F2: variants seen among roughly 807,000 people sequenced by gnomAD.
F2 encodes the protein prothrombin.
Under a neutral mutation model 81.9 loss-of-function variants are expected in F2, and 34 were observed. The observed-to-expected ratio is 0.42, with a 90% confidence interval of 0.32 to 0.55. The LOEUF is 0.55. Among genes scored for constraint, F2 ranks in the 20% least tolerant of loss-of-function variants. The probability of loss-of-function intolerance (pLI) is 0.18; values close to 1 mark genes in which losing one functional copy is unlikely to be tolerated. For synonymous variants in F2, 296 were observed against 326.4 expected (o/e 0.91, Z 1.01); for missense variants, 630 against 833.4 (o/e 0.76, Z 3.00).
In F2 at chr11:46,739,210, A is replaced by G. The variant is rs1186659371; in HGVS notation, c.1726-55A>G. On this transcript the variant is annotated intron_variant, in intron 13 of 13. Transcript: ENST00000311907. The stretch of plus-strand genomic sequence containing the variant: ...CTAGAAACAGTTGCCTGGCAGGGGA[A>G]TACTGATGTGACCTTGAACTTGACT... 7 of 1,613,660 alleles carry G rather than the reference A, an allele frequency of 4.3e-6. No individual in the cohort carries two copies. In the Admixed American group the frequency reaches 1.2e-4, roughly 27 times the overall value.
chr11:46,724,604 G>A (rs1429597074), intron 6 of F2, among the ~76,000 whole-genome samples: 2 of 152,166 alleles, frequency 1.3e-5, no homozygotes, highest in Non-Finnish European at 2.9e-5. Context: ...TTCAAGGCCA[G>A]GGTCAAGAGG....
In F2 at chr11:46,719,686, C is replaced by G; in HGVS notation, c.80-16C>G. ...TCCTGAGGCCGCTGTCCCATGACCC[C>G]CCCACCGCCTTACAGTGTTCCTGGC... On this transcript the variant is annotated splice_polypyrimidine_tract_variant and intron_variant, in intron 1 of 13. Coordinates refer to ENST00000311907, the MANE Select transcript of F2 (RefSeq NM_000506.5). The surrounding 1 kb of genome is among the most constrained non-coding windows in gnomAD (Gnocchi z 4.7). 6.3e-7 allele frequency: 1 copy of G among 1,580,426 alleles called. No homozygotes were observed. Among genetic ancestry groups the G allele is most frequent in the East Asian group, 2.3e-5 (1 of 43,268 alleles).
At chr11:46,720,441 G>C (rs1005115604) in intron 2 of F2, 82 bp from the exon 3 acceptor site, 42 of 1,515,500 alleles carry the variant, frequency 2.8e-5, no homozygotes, top group Non-Finnish European at 2.5e-5. Context: ...GTAAAGGAAA[G>C]TGTGAGGAGG....
At chr11:46,733,950 G>A (rs1398013232) in intron 12 of F2, among the ~76,000 whole-genome samples, 12 of 151,460 alleles carry the variant, frequency 7.9e-5, no homozygotes, top group East Asian at 3.9e-4. Context: ...CACCATGCCC[G>A]CTAATTTTTG....
At chr11:46,722,564 G>A (rs972075404) in intron 4 of F2, among the ~76,000 whole-genome samples, 11 of 152,186 alleles carry the variant, frequency 7.2e-5, no homozygotes, top group Middle Eastern at 3.4e-3. Flanking sequence ...CTTCAGTCTC[G>A]GCAACAGAAC....
chr11:46,723,357 C>CCTGTTGG lies in F2; in HGVS notation c.423-24_423-18dup. ...AAGCGTACCTCAAGCCCAACAGCCT[C>CCTGTTGG]CTGTTGGGCAATTTCCTGTTCCAGA... On this transcript the variant is annotated intron_variant, in intron 5 of 13. Transcript: ENST00000311907. This position sits in a 1 kb window ranked among gnomAD's most constrained non-coding sequence, Gnocchi z 5.6. The CCTGTTGG allele has an allele frequency of 1.2e-6, 2 of 1,611,606 alleles. No homozygotes were observed. Among genetic ancestry groups the CCTGTTGG allele is most frequent in the Non-Finnish European group, 1.7e-6 (2 of 1,177,704 alleles).
chr11:46,728,534 G>A lies in F2; in HGVS notation c.1299-130G>A. On this transcript the variant is annotated intron_variant, in intron 10 of 13. Transcript: ENST00000311907. The surrounding 1 kb of genome is among the most constrained non-coding windows in gnomAD (Gnocchi z 5.1). ...AAACACCCAGGGGGCTGCCATGGCAGGAACCAGCCCTATCCCCTCCCTGGT... is the reference window on the plus strand; with the variant it reads ...AAACACCCAGGGGGCTGCCATGGCAAGAACCAGCCCTATCCCCTCCCTGGT... The A allele has an allele frequency of 9.4e-7, 1 of 1,060,736 alleles. No homozygotes were observed. The highest frequency in any genetic ancestry group is 1.4e-6 in the Non-Finnish European group (1 of 707,104). The allele number at this position is 1,060,736 out of a possible 1,614,324, so 65.7% of individuals were successfully genotyped here.
rs2064890732 is a variant in F2, at chr11:46,728,535, G to A, written c.1299-129G>A. 1.9e-6 allele frequency: 2 copies of A among 1,069,112 alleles called. No homozygotes were observed. Among genetic ancestry groups the A allele is most frequent in the South Asian group, 2.7e-5 (2 of 73,602 alleles). 66.2% of individuals were successfully genotyped at this position (1,069,112 alleles called of 1,614,324 possible). A position where few individuals can be genotyped will look rare whatever the true frequency, so the allele number is the denominator to read the frequency against. ...AACACCCAGGGGGCTGCCATGGCAGGAACCAGCCCTATCCCCTCCCTGGTG... is the reference window on the plus strand; with the variant it reads ...AACACCCAGGGGGCTGCCATGGCAGAAACCAGCCCTATCCCCTCCCTGGTG... On this transcript the variant is annotated intron_variant, in intron 10 of 13. Transcript: ENST00000311907. The surrounding 1 kb of genome is among the most constrained non-coding windows in gnomAD (Gnocchi z 5.1).
In F2 at chr11:46,726,847, G is replaced by C. The variant is rs1043558327; in HGVS notation, c.1130+10G>C. ...TCGGCATGTCACCTTGGTGTGTCCT[G>C]GAGCCCTGCGCTACCATTCACTCCT... is the stretch of plus-strand genomic sequence containing the variant. On this transcript the variant is annotated intron_variant, in intron 9 of 13. Coordinates refer to ENST00000311907, the MANE Select transcript of F2 (RefSeq NM_000506.5). The surrounding 1 kb of genome is among the most constrained non-coding windows in gnomAD (Gnocchi z 5.9). The C allele has an allele frequency of 3.1e-6, 5 of 1,613,900 alleles. No homozygotes were observed. Among genetic ancestry groups the C allele is most frequent in the Non-Finnish European group, 4.2e-6 (5 of 1,179,964 alleles).
At chr11:46,722,559 G>C (rs1024296139) in intron 4 of F2, among the ~76,000 whole-genome samples, 3 of 152,228 alleles carry the variant, frequency 2.0e-5, no homozygotes, top group Admixed American at 2.0e-4. Flanking sequence ...CTGCACTTCA[G>C]TCTCGGCAAC....
intron 13 of F2, 39 bp from the exon 14 acceptor site, chr11:46,739,226 G>T: frequency 6.2e-7 from 1 of 1,613,808 alleles, no homozygotes; most frequent in South Asian, 1.1e-5. Context: ...ATGTGACCTT[G>T]AACTTGACTC....
At chr11:46,735,765 A>G (rs967531156) in intron 12 of F2, among the ~76,000 whole-genome samples, 1 of 151,600 alleles carries the variant, frequency 6.6e-6, no homozygotes, top group African/African-American at 2.4e-5. Flanking sequence ...TCTGCTAAAA[A>G]TACAAAATTA....
At chr11:46,735,439 CA>C (rs1257648028) in intron 12 of F2, among the ~76,000 whole-genome samples, 20 of 142,034 alleles carry the variant, frequency 1.4e-4, no homozygotes, top group African/African-American at 2.6e-4. Flanking sequence ...GACTCCATCT[CA>C]AAAAAAAAAG....
chr11:46,721,591 C>A lies in F2; in HGVS notation c.316+751C>A, dbSNP rs3136440. 1.5e-3 allele frequency among the ~76,000 whole-genome samples: 224 copies of A among 152,340 alleles called. 1 individual carries two copies. Among genetic ancestry groups the A allele is most frequent in the Non-Finnish European group, 2.9e-3 (199 of 68,020 alleles). On this transcript the variant is annotated intron_variant, in intron 4 of 13. Coordinates refer to ENST00000311907, the MANE Select transcript of F2 (RefSeq NM_000506.5). Reference sequence around the variant, plus strand: ...TCACATCTACTGAACACTTTCCTATCCTTCAAGGACTGCTTCAAATGTCAC... The same window carrying A: ...TCACATCTACTGAACACTTTCCTATACTTCAAGGACTGCTTCAAATGTCAC...
chr11:46,725,069 C>CTTT (rs71455298), intron 6 of F2, among the ~76,000 whole-genome samples: 15,951 of 105,940 alleles, frequency 0.15, 1,827 homozygotes, highest in East Asian at 0.57. Flanking sequence ...TGCGCCCGGC[C>CTTT]TTTTTTTTTT....
chr11:46,729,882 G>A (rs914924068), intron 12 of F2, among the ~76,000 whole-genome samples: 7 of 152,246 alleles, frequency 4.6e-5, no homozygotes, highest in Admixed American at 2.6e-4. Context: ...TCCAGGCAGC[G>A]TTCTAGGGTA....
At position 46,739,453 on chromosome 11, in the gene F2, A is replaced by T; in HGVS notation, c.*45A>T. ...GCTCCTGGAACCAATCCCGTGAAAG[A>T]ATTATTTTTGTGTTTCTAAAACTAT... is the stretch of plus-strand genomic sequence containing the variant. On this transcript the variant is annotated 3_prime_UTR_variant, in exon 14 of 14. Transcript: ENST00000311907. The T allele has an allele frequency of 6.2e-7, 1 of 1,612,300 alleles. No homozygotes were observed. The highest frequency in any genetic ancestry group is 8.5e-7 in the Non-Finnish European group (1 of 1,179,446).
chr11:46,723,170 G>T lies in F2; in HGVS notation c.317-10G>T, dbSNP rs769831443. The T allele has an allele frequency of 1.2e-6, 2 of 1,612,942 alleles. No homozygotes were observed. The highest frequency in any genetic ancestry group is 2.2e-5 in the South Asian group (2 of 91,060). ...AGGCTCCAAGGCTGACCGGGGTGGG[G>T]TCTCCGCAGGTAACTGTGCTGAGGG... On this transcript the variant is annotated splice_polypyrimidine_tract_variant and intron_variant, in intron 4 of 13. Transcript: ENST00000311907. This position sits in a 1 kb window ranked among gnomAD's most constrained non-coding sequence, Gnocchi z 5.6.
intron 2 of F2, 108 bp from the exon 3 acceptor site, chr11:46,720,415 C>A (rs2064829050): frequency 2.4e-6 from 3 of 1,270,672 alleles, no homozygotes; most frequent in Non-Finnish European, 3.5e-6. Context: ...CAGAGCCTGC[C>A]CCCTGCGTGA....
Sources: gnomAD v4.1 joint callset for allele counts (sites outside exome capture counted in the v4.1 genomes callset) on GRCh38, gnomAD v4.1.1 for gene constraint, Gnocchi (gnomAD v3.1) non-coding constraint, MANE v1.5 for transcripts, NCBI Gene and HGNC (gene_info 2026-07-23, HGNC 2026-07-21) for gene names.